Variants in CAMTA1 observed in about 807,000 individuals in gnomAD.
CAMTA1 encodes calmodulin-binding transcription activator 1.
Under a neutral mutation model 170.9 loss-of-function variants are expected in CAMTA1, and 27 were observed. The ratio of observed to expected loss-of-function variants is 0.16; its 90% CI spans 0.12 to 0.22. The LOEUF (loss-of-function observed/expected upper bound fraction) is 0.22. Among genes scored for constraint, CAMTA1 ranks in the 10% least tolerant of loss-of-function variants. CAMTA1 has a pLI of 1.00. For synonymous variants in CAMTA1, 833 were observed against 891.5 expected (o/e 0.93, Z 1.17); for missense variants, 1,619 against 2,217.2 (o/e 0.73, Z 5.42).
At chr1:6,790,846 A>G (rs932765865) in intron 1 of CAMTA1, among the ~76,000 whole-genome samples, 1 of 152,216 alleles carries the variant, frequency 6.6e-6, no homozygotes, top group Non-Finnish European at 1.5e-5. Context: ...AATAATAAAA[A>G]TTACTAACAA....
intron 3 of CAMTA1, among the ~76,000 whole-genome samples, chr1:6,909,721 T>C (rs1421780366): frequency 6.6e-6 from 1 of 152,246 alleles, no homozygotes; most frequent in Non-Finnish European, 1.5e-5. Flanking sequence ...CATTCAGCTC[T>C]GTCCTGGACT....
At chr1:7,745,743 C>T in intron 17 of CAMTA1, 102 bp from the exon 18 acceptor site, 2 of 1,427,246 alleles carry the variant, frequency 1.4e-6, no homozygotes, top group African/African-American at 1.4e-5. Context: ...TAATTGCCCA[C>T]AGTGGCTTCT....
At chr1:6,825,453 GTTTC>G (rs1646997072) in intron 3 of CAMTA1, among the ~76,000 whole-genome samples, 1 of 152,170 alleles carries the variant, frequency 6.6e-6, no homozygotes, top group Non-Finnish European at 1.5e-5. Context: ...AGTAGCATGA[GTTTC>G]TGTCTGTGTT....
Position 7,007,481 on chromosome 1 carries a change from G to T in CAMTA1, c.235-83823G>T, listed in dbSNP as rs1395648283. ...TTCCCTCGCCTCGAGAACCCCAAGC[G>T]AATTCCCACTTCCCACAGGAAGTAG... is the stretch of plus-strand genomic sequence containing the variant. On this transcript the variant is annotated intron_variant, in intron 3 of 22. Transcript: ENST00000303635. The surrounding 1 kb of genome is among the most constrained non-coding windows in gnomAD (Gnocchi z 4.5). 6.6e-6 allele frequency among the ~76,000 whole-genome samples: 1 copy of T among 152,122 alleles called. No individual in the cohort carries two copies. Among genetic ancestry groups the T allele is most frequent in the Non-Finnish European group, 1.5e-5 (1 of 68,030 alleles).
chr1:7,355,949 G>A (rs1341432411), intron 5 of CAMTA1, among the ~76,000 whole-genome samples: 3 of 152,236 alleles, frequency 2.0e-5, no homozygotes, highest in Non-Finnish European at 2.9e-5. Context: ...AAGCACAAAT[G>A]TCCCTTCTTT....
chr1:7,497,755 A>G (rs2093854013), intron 6 of CAMTA1, among the ~76,000 whole-genome samples: 1 of 152,234 alleles, frequency 6.6e-6, no homozygotes, highest in African/African-American at 2.4e-5. Flanking sequence ...CCATGACGGC[A>G]GGAGAGAGCA....
intron 5 of CAMTA1, among the ~76,000 whole-genome samples, chr1:7,290,435 G>A (rs1311296199): frequency 6.6e-6 from 1 of 152,194 alleles, no homozygotes; most frequent in Non-Finnish European, 1.5e-5. Flanking sequence ...GTTACTATAT[G>A]TCACCCAGCT....
intron 3 of CAMTA1, among the ~76,000 whole-genome samples, chr1:7,070,733 C>T (rs1380985227): frequency 1.3e-5 from 2 of 152,230 alleles, no homozygotes; most frequent in African/African-American, 4.8e-5. Context: ...AGAGGGAGTC[C>T]TCCCAGTCGC....
chr1:7,404,184 C>G (rs1433083471), intron 5 of CAMTA1, among the ~76,000 whole-genome samples: 2 of 152,244 alleles, frequency 1.3e-5, no homozygotes, highest in African/African-American at 4.8e-5. Context: ...CACCCACACT[C>G]TTGTCCCTCC....
chr1:6,932,716 G>A (rs72854296), intron 3 of CAMTA1, among the ~76,000 whole-genome samples: 1,821 of 152,248 alleles, frequency 0.012, 32 homozygotes, highest in African/African-American at 0.041. Flanking sequence ...TCTCGTCATG[G>A]TTTGAATTTG....
chr1:7,201,760 G>T (rs1656745542), intron 4 of CAMTA1, among the ~76,000 whole-genome samples: 1 of 152,082 alleles, frequency 6.6e-6, no homozygotes, highest in South Asian at 2.1e-4. Flanking sequence ...TTATTAAGTT[G>T]TAAGAGTTCT....
At position 7,097,150 on chromosome 1, in the gene CAMTA1, G is replaced by A. The variant is rs115330208; in HGVS notation, c.302+5779G>A. The stretch of plus-strand genomic sequence containing the variant: ...TCCCTTCCTGCTCCCGTAGCTGCAC[G>A]TGCTTTGTTGTCGGTTGTTTGCCAA... On this transcript the variant is annotated intron_variant, in intron 4 of 22. Coordinates refer to ENST00000303635, the MANE Select transcript of CAMTA1 (RefSeq NM_015215.4). 5.6e-3 allele frequency among the ~76,000 whole-genome samples: 848 copies of A among 152,292 alleles called. 7 individuals are homozygous for A. The highest frequency in any genetic ancestry group is 0.019 in the African/African-American group (810 of 41,574).
intron 3 of CAMTA1, among the ~76,000 whole-genome samples, chr1:6,853,513 G>A (rs1340173308): frequency 3.3e-5 from 5 of 152,044 alleles, no homozygotes; most frequent in East Asian, 1.9e-4. Context: ...AAGGCAAGAC[G>A]ACCAAAAACA....
At chr1:7,431,470 T>C (rs1433546313) in intron 5 of CAMTA1, among the ~76,000 whole-genome samples, 1 of 152,324 alleles carries the variant, frequency 6.6e-6, no homozygotes, top group African/African-American at 2.4e-5. Context: ...AGCCCCAGGC[T>C]TGTGGCTGCC....
chr1:7,231,350 T>TGTGTGTGTGA (rs112268253), intron 4 of CAMTA1, among the ~76,000 whole-genome samples: 83 of 141,184 alleles, frequency 5.9e-4, no homozygotes, highest in South Asian at 9.7e-4. Flanking sequence ...TGTGTGTGTG[T>TGTGTGTGTGA]GAGAGAGAGA....
intron 5 of CAMTA1, among the ~76,000 whole-genome samples, chr1:7,427,271 G>A (rs897046204): frequency 5.9e-5 from 9 of 152,326 alleles, no homozygotes; most frequent in African/African-American, 1.7e-4. Flanking sequence ...TTTGTACATT[G>A]TGAATTCCAG....
chr1:7,597,343 G>A (rs1186588664), intron 6 of CAMTA1, among the ~76,000 whole-genome samples: 3 of 152,200 alleles, frequency 2.0e-5, no homozygotes, highest in South Asian at 2.1e-4. Context: ...TTTGCACAGA[G>A]TGAAGCCTTG....
In CAMTA1 at chr1:7,270,744, G is replaced by A. The variant is rs1574338632; in HGVS notation, c.438+21118G>A. 2.0e-5 allele frequency among the ~76,000 whole-genome samples: 3 copies of A among 152,178 alleles called. No individual in the cohort carries two copies. The South Asian group carries it at 6.2e-4, about 32-fold the overall frequency. ...TCTTGTAATCACAGATACTTGGGAGGCTGAGGGAGGAGGATTGTTTGAGTC... is the reference window on the plus strand; with the variant it reads ...TCTTGTAATCACAGATACTTGGGAGACTGAGGGAGGAGGATTGTTTGAGTC... On this transcript the variant is annotated intron_variant, in intron 5 of 22. Transcript: ENST00000303635.
rs564307244 is a variant in CAMTA1 at position 7,333,365 on chromosome 1, G to A, written c.438+83739G>A. Among the ~76,000 whole-genome samples, 53 of 152,228 alleles carry A rather than the reference G, an allele frequency of 3.5e-4. No individual in the cohort carries two copies. The highest frequency in any genetic ancestry group is 1.2e-3 in the African/African-American group (50 of 41,554). On this transcript the variant is annotated intron_variant, in intron 5 of 22. Coordinates refer to ENST00000303635, the MANE Select transcript of CAMTA1 (RefSeq NM_015215.4). This position sits in a 1 kb window ranked among gnomAD's most constrained non-coding sequence, Gnocchi z 4.4. ...CCCGCAGGGGAGTCGGATCTGACAC[G>A]GGACCCCACGCTGCAGAGTGATGAT...
Sources: allele counts gnomAD v4.1 joint callset (sites outside exome capture counted in the v4.1 genomes callset), GRCh38; gene constraint gnomAD v4.1.1; non-coding constraint Gnocchi (gnomAD v3.1); transcripts MANE v1.5; gene names NCBI Gene and HGNC (gene_info 2026-07-23, HGNC 2026-07-21).